Variants in GRID1 observed in about 807,000 individuals in gnomAD.
GRID1 encodes the protein glutamate receptor ionotropic, delta-1.
In GRID1, 28 loss-of-function variants were observed where a neutral mutation model predicts 98.0. The observed-to-expected ratio is 0.29, with a 90% CI of 0.21 to 0.39. The LOEUF (loss-of-function observed/expected upper bound fraction) is 0.39, where lower values mean the gene tolerates loss of function less well. Ranked by LOEUF, GRID1 falls within the 10% of genes least tolerant of loss-of-function variation. The probability of loss-of-function intolerance (pLI) is 1.00; values close to 1 mark genes in which losing one functional copy is unlikely to be tolerated. For missense variants in GRID1, 1,111 were observed against 1,340.5 expected, an observed-to-expected ratio of 0.83 and a Z score of 2.67; for synonymous variants, 553 against 538.5, an observed-to-expected ratio of 1.03 and a Z score of -0.37.
chr10:85,705,248 G>A (rs1590197384), intron 12 of GRID1, among the ~76,000 whole-genome samples: 1 of 152,158 alleles, frequency 6.6e-6, no homozygotes, highest in East Asian at 1.9e-4. Context: ...AGAAAAGAGA[G>A]AAGAATCAAA....
chr10:85,963,987 A>T (rs1205590537), intron 4 of GRID1, among the ~76,000 whole-genome samples: 1 of 152,214 alleles, frequency 6.6e-6, no homozygotes, highest in Admixed American at 6.5e-5. Context: ...TCCCTACAGC[A>T]ATAACAGACA....
At position 85,699,543 on chromosome 10, in the gene GRID1, T is replaced by C. The variant is rs1345614088; in HGVS notation, c.1997+23460A>G. ...TTTATTTTATGGATCATGCTTTCGA[T>C]CTTGTATTAAAGAAGTCACCACCAA... On this transcript the variant is annotated intron_variant, in intron 12 of 15. Transcript: ENST00000327946. Among the ~76,000 whole-genome samples, 3 of 152,318 alleles carry C rather than the reference T, an allele frequency of 2.0e-5. 1 individual carries two copies. The highest frequency in any genetic ancestry group is 4.1e-4 in the South Asian group (2 of 4,824).
At chr10:85,614,813 C>A (rs148783772) in intron 14 of GRID1, among the ~76,000 whole-genome samples, 15 of 152,254 alleles carry the variant, frequency 9.9e-5, no homozygotes, top group African/African-American at 3.6e-4. Flanking sequence ...CTTCTATACT[C>A]CCCATTGTGG....
intron 6 of GRID1, among the ~76,000 whole-genome samples, chr10:85,860,588 G>A (rs572199679): frequency 2.0e-5 from 3 of 152,054 alleles, no homozygotes; most frequent in Non-Finnish European, 4.4e-5. Context: ...AGAGATTTTC[G>A]GCAAGTTTCT....
chr10:85,621,221 C>T (rs1310902937), intron 13 of GRID1, among the ~76,000 whole-genome samples: 6 of 152,168 alleles, frequency 3.9e-5, no homozygotes, highest in Non-Finnish European at 1.5e-5. Context: ...CACCCCTTTG[C>T]CGCTTCTTTC....
intron 4 of GRID1, among the ~76,000 whole-genome samples, chr10:85,965,779 A>T (rs1222479857): frequency 1.3e-5 from 2 of 148,694 alleles, no homozygotes; most frequent in Non-Finnish European, 3.0e-5. Context: ...AGAACTTAAA[A>T]TATAATAAAA....
intron 2 of GRID1, among the ~76,000 whole-genome samples, chr10:86,279,766 T>A: frequency 6.6e-6 from 1 of 152,008 alleles, no homozygotes; most frequent in East Asian, 1.9e-4. Flanking sequence ...AGTAAGAAAA[T>A]GAAATAAAAA....
At position 86,195,089 on chromosome 10, in the gene GRID1, T is replaced by C. The variant is rs1375658924; in HGVS notation, c.520+11275A>G. ...CCCTTGCTATGACCCGCTTCAAGTCTGGCCCAGAGGAAGCTTAGGCAGAGG... is the reference window on the plus strand; with the variant it reads ...CCCTTGCTATGACCCGCTTCAAGTCCGGCCCAGAGGAAGCTTAGGCAGAGG... On this transcript the variant is annotated intron_variant, in intron 3 of 15. Transcript: ENST00000327946. The surrounding 1 kb of genome is among the most constrained non-coding windows in gnomAD (Gnocchi z 4.4). Among the ~76,000 whole-genome samples, 1 of 152,126 alleles carries C rather than the reference T, an allele frequency of 6.6e-6. No individual in the cohort carries two copies. The highest frequency in any genetic ancestry group is 1.9e-4 in the East Asian group (1 of 5,198).
intron 10 of GRID1, among the ~76,000 whole-genome samples, chr10:85,727,263 T>G (rs947090094): frequency 6.6e-6 from 1 of 152,146 alleles, no homozygotes; most frequent in Admixed American, 6.5e-5. Context: ...TTGAGTCAGA[T>G]GCCACCATGA....
intron 4 of GRID1, among the ~76,000 whole-genome samples, chr10:85,935,142 G>A (rs947029470): frequency 2.0e-5 from 3 of 152,266 alleles, no homozygotes; most frequent in African/African-American, 7.2e-5. Flanking sequence ...CTTCATCAGG[G>A]GTACTATTGT....
intron 4 of GRID1, among the ~76,000 whole-genome samples, chr10:86,117,578 C>T (rs980261079): frequency 2.0e-5 from 3 of 151,724 alleles, no homozygotes; most frequent in Admixed American, 6.6e-5. Flanking sequence ...ATCACTATCA[C>T]CACCATCATC....
At chr10:85,783,825 G>A (rs1168938002) in intron 8 of GRID1, among the ~76,000 whole-genome samples, 2 of 152,172 alleles carry the variant, frequency 1.3e-5, no homozygotes, top group Non-Finnish European at 2.9e-5. Context: ...GTTGTCACCA[G>A]AAGCTTACTT....
intron 2 of GRID1, among the ~76,000 whole-genome samples, chr10:86,219,658 T>C (rs550539960): frequency 2.0e-4 from 30 of 152,264 alleles, no homozygotes; most frequent in Non-Finnish European, 3.2e-4. Context: ...GGGGAGGTAG[T>C]GGGGGTAAAT....
rs112084228 is a variant in GRID1, at chr10:85,832,714, G to A, written c.1233+21782C>T. On this transcript the variant is annotated intron_variant, in intron 8 of 15. Coordinates refer to ENST00000327946, the MANE Select transcript of GRID1 (RefSeq NM_017551.3). ...AAAACATAGTGACAGGGTGTCTTACGGCCCCCAACAACATAAAAAATGCAA... is the reference window on the plus strand; with the variant it reads ...AAAACATAGTGACAGGGTGTCTTACAGCCCCCAACAACATAAAAAATGCAA... Among the ~76,000 whole-genome samples, 874 of 152,120 alleles carry A rather than the reference G, an allele frequency of 5.7e-3. 9 individuals carry two copies. Among genetic ancestry groups the A allele is most frequent in the African/African-American group, 0.02 (820 of 41,478 alleles).
chr10:85,956,695 A>G (rs960684098), intron 4 of GRID1, among the ~76,000 whole-genome samples: 2 of 152,180 alleles, frequency 1.3e-5, no homozygotes, highest in African/African-American at 2.4e-5. Flanking sequence ...CATTGAGATT[A>G]ATGGAAAATG....
intron 14 of GRID1, 55 bp from the exon 15 acceptor site, chr10:85,613,702 C>T (rs1264734209): frequency 1.3e-5 from 20 of 1,573,312 alleles, no homozygotes; most frequent in Admixed American, 1.0e-4. Flanking sequence ...ACTCAGCCAC[C>T]GGGGCCCTGG....
intron 4 of GRID1, among the ~76,000 whole-genome samples, chr10:86,013,919 A>G (rs1471535513): frequency 6.6e-6 from 1 of 152,244 alleles, no homozygotes; most frequent in African/African-American, 2.4e-5. Context: ...TACTCTGCAG[A>G]AGAAAAAACA....
chr10:85,881,158 T>C lies in GRID1; in HGVS notation c.781-11978A>G, dbSNP rs563047454. ...GAAATGGAAGAACATTCCATGCTCA[T>C]GGCTAGGAAGAATCAATATCGTGAA... On this transcript the variant is annotated intron_variant, in intron 5 of 15. Coordinates refer to ENST00000327946, the MANE Select transcript of GRID1 (RefSeq NM_017551.3). 4.6e-5 allele frequency among the ~76,000 whole-genome samples: 7 copies of C among 152,352 alleles called. No individual in the cohort carries two copies. In the East Asian group the frequency reaches 1.3e-3, roughly 29 times the overall value.
intron 5 of GRID1, among the ~76,000 whole-genome samples, chr10:85,911,235 C>G (rs1473648747): frequency 6.6e-6 from 1 of 152,190 alleles, no homozygotes; most frequent in Non-Finnish European, 1.5e-5. Flanking sequence ...AGGATGGGGA[C>G]AGTGGTCTCT....
Sources: allele counts gnomAD v4.1 joint callset (sites outside exome capture counted in the v4.1 genomes callset), GRCh38; gene constraint gnomAD v4.1.1; non-coding constraint Gnocchi (gnomAD v3.1); transcripts MANE v1.5; gene names NCBI Gene and HGNC (gene_info 2026-07-23, HGNC 2026-07-21).